The following CCSER1 variants were observed in gnomAD, a reference collection of about 807,000 sequenced individuals.
The protein encoded by CCSER1 is serine-rich coiled-coil domain-containing protein 1.
A neutral mutation model predicts 82.0 loss-of-function variants in CCSER1; 41 were observed. The observed-to-expected ratio is 0.50, with a 90% CI of 0.39 to 0.65. The LOEUF (loss-of-function observed/expected upper bound fraction) is 0.65, where lower values mean the gene tolerates loss of function less well. Ranked by LOEUF, CCSER1 falls within the 30% of genes least tolerant of loss-of-function variation. The pLI is 0.00. For missense variants in CCSER1, 1,119 were observed against 1,064.2 expected (o/e 1.05, Z -0.72); for synonymous variants, 414 against 383.9 (o/e 1.08, Z -0.92).
At chr4:90,892,749 A>G (rs1181303902) in intron 8 of CCSER1, among the ~76,000 whole-genome samples, 2 of 152,088 alleles carry the variant, frequency 1.3e-5, no homozygotes, top group Non-Finnish European at 2.9e-5. Context: ...TCTATTTCTT[A>G]AATGCGTAAA....
intron 4 of CCSER1, among the ~76,000 whole-genome samples, chr4:90,438,271 A>G (rs2153570912): frequency 6.6e-6 from 1 of 152,310 alleles, no homozygotes; most frequent in Non-Finnish European, 1.5e-5. Flanking sequence ...TTTTGGGGCA[A>G]GATATATAAA....
intron 4 of CCSER1, among the ~76,000 whole-genome samples, chr4:90,435,605 A>T (rs1372765010): frequency 6.6e-6 from 1 of 152,160 alleles, no homozygotes; most frequent in Non-Finnish European, 1.5e-5. Flanking sequence ...TTTGGCCTTA[A>T]TTAAGTTTGA....
intron 9 of CCSER1, among the ~76,000 whole-genome samples, chr4:91,082,573 A>G (rs1722890824): frequency 6.6e-6 from 1 of 152,184 alleles, no homozygotes; most frequent in Admixed American, 6.5e-5. Context: ...ATCTAATTAA[A>G]CTAAAGAGCT....
At chr4:90,871,063 G>A (rs567663873) in intron 8 of CCSER1, among the ~76,000 whole-genome samples, 4 of 145,796 alleles carry the variant, frequency 2.7e-5, no homozygotes, top group Admixed American at 1.4e-4. Flanking sequence ...ATTTATTTGG[G>A]TCTTCTCTCT....
At chr4:91,084,259 A>G (rs1208423506) in intron 9 of CCSER1, among the ~76,000 whole-genome samples, 1 of 152,164 alleles carries the variant, frequency 6.6e-6, no homozygotes, top group Non-Finnish European at 1.5e-5. Context: ...TTAGCTAATT[A>G]TACATGTGTA....
intron 7 of CCSER1, among the ~76,000 whole-genome samples, chr4:90,784,391 G>C (rs1035194392): frequency 6.6e-6 from 1 of 152,112 alleles, no homozygotes. Flanking sequence ...ATATATTTTG[G>C]TAATCATTCC....
At position 90,223,551 on chromosome 4, in the gene CCSER1, T is replaced by C. The variant is rs144296617; in HGVS notation, c.-41-84693T>C. On this transcript the variant is annotated intron_variant, in intron 1 of 10. Coordinates refer to ENST00000509176, the MANE Select transcript of CCSER1 (RefSeq NM_001145065.2). The stretch of plus-strand genomic sequence containing the variant: ...GGACATTGATCATTGGAGTGTAATA[T>C]GGACCAGGTTATCTCAAGGGTGTCC... 1.6e-4 allele frequency among the ~76,000 whole-genome samples: 24 copies of C among 152,302 alleles called. No homozygotes were observed. In the East Asian group the frequency reaches 4.6e-3, roughly 29 times the overall value.
At chr4:91,441,714 A>G (rs1342370337) in intron 10 of CCSER1, among the ~76,000 whole-genome samples, 2 of 152,192 alleles carry the variant, frequency 1.3e-5, no homozygotes, top group Non-Finnish European at 2.9e-5. Context: ...CTGTATATCT[A>G]GAAAACCCCA....
At chr4:91,290,882 G>A (rs1337577099) in intron 10 of CCSER1, among the ~76,000 whole-genome samples, 1 of 151,784 alleles carries the variant, frequency 6.6e-6, no homozygotes, top group East Asian at 1.9e-4. Context: ...AAGACATGTT[G>A]TGGGCTAATC....
At chr4:90,914,685 A>G (rs1383114726) in intron 8 of CCSER1, among the ~76,000 whole-genome samples, 5 of 151,828 alleles carry the variant, frequency 3.3e-5, no homozygotes, top group Admixed American at 6.6e-5. Context: ...AAACCCTTCA[A>G]AAAATCAATG....
At chr4:91,443,717 A>G (rs1209687242) in intron 10 of CCSER1, among the ~76,000 whole-genome samples, 2 of 148,344 alleles carry the variant, frequency 1.3e-5, no homozygotes, top group Non-Finnish European at 3.0e-5. Flanking sequence ...AATTAAGTAT[A>G]GAGAAAACTA....
chr4:91,016,056 T>C (rs1739405138), intron 9 of CCSER1, among the ~76,000 whole-genome samples: 1 of 152,038 alleles, frequency 6.6e-6, no homozygotes, highest in African/African-American at 2.4e-5. Flanking sequence ...GAGTTCTCTG[T>C]CTACATTTAT....
At chr4:90,582,108 C>T (rs1235424120) in intron 5 of CCSER1, among the ~76,000 whole-genome samples, 1 of 151,930 alleles carries the variant, frequency 6.6e-6, no homozygotes, top group Non-Finnish European at 1.5e-5. Context: ...TACTACTGAC[C>T]TCAGCTGTTG....
Position 90,463,938 on chromosome 4 carries a change from TAAAA to T in CCSER1, c.1604-4292_1604-4289del, listed in dbSNP as rs561969096. 7.1e-3 allele frequency among the ~76,000 whole-genome samples: 1,079 copies of T among 152,120 alleles called. 17 individuals are homozygous for T. Among genetic ancestry groups the T allele is most frequent in the African/African-American group, 0.022 (925 of 41,516 alleles). ...ATGCTTTAACAATGATTTTATAAAT[TAAAA>T]AAACGATAGAAATTCAGTTATTAAA... On this transcript the variant is annotated intron_variant, in intron 4 of 10. Coordinates refer to ENST00000509176, the MANE Select transcript of CCSER1 (RefSeq NM_001145065.2).
rs191418149 is a variant in CCSER1 at position 91,055,570 on chromosome 4, A to G, written c.2173-30380A>G. 7.9e-5 allele frequency among the ~76,000 whole-genome samples: 12 copies of G among 152,150 alleles called. No homozygotes were observed. The East Asian group carries it at 1.9e-3, about 24-fold the overall frequency. On this transcript the variant is annotated intron_variant, in intron 9 of 10. Coordinates refer to ENST00000509176, the MANE Select transcript of CCSER1 (RefSeq NM_001145065.2). ...ATTGTGTCTCTGTTTATGCTTGCCAAATTCCCTGTTTGTCTTTTGATAGTT... is the reference window on the plus strand; with the variant it reads ...ATTGTGTCTCTGTTTATGCTTGCCAGATTCCCTGTTTGTCTTTTGATAGTT...
intron 10 of CCSER1, among the ~76,000 whole-genome samples, chr4:91,579,806 G>A (rs1015018669): frequency 3.3e-5 from 5 of 151,760 alleles, no homozygotes; most frequent in African/African-American, 9.7e-5. Context: ...ATGAAAAGCC[G>A]AACTCCAAAA....
At chr4:91,355,059 C>CAG (rs947525075) in intron 10 of CCSER1, among the ~76,000 whole-genome samples, 27 of 152,218 alleles carry the variant, frequency 1.8e-4, no homozygotes, top group African/African-American at 5.3e-4. Flanking sequence ...TAAAGGGTTG[C>CAG]AGCTCCCACT....
intron 4 of CCSER1, among the ~76,000 whole-genome samples, chr4:90,460,324 CAAAAAAAAAA>C (rs751331396): frequency 3.1e-5 from 1 of 32,658 alleles, no homozygotes; most frequent in Non-Finnish European, 5.8e-5. Context: ...AACTCCGTCT[CAAAAAAAAAA>C]AAAAAAAAAA....
At chr4:90,435,283 A>G (rs191700475) in intron 4 of CCSER1, among the ~76,000 whole-genome samples, 2,544 of 117,932 alleles carry the variant, frequency 0.022, 65 homozygotes, top group African/African-American at 0.095. Context: ...TAGCTTAAAT[A>G]AAGATGTTAA....
Sources: gnomAD v4.1 joint callset for allele counts (sites outside exome capture counted in the v4.1 genomes callset) on GRCh38, gnomAD v4.1.1 for gene constraint, MANE v1.5 for transcripts, NCBI Gene and HGNC (gene_info 2026-07-23, HGNC 2026-07-21) for gene names.